The following ZNF521 variants were observed in gnomAD, a reference collection of about 807,000 sequenced individuals.
The protein encoded by ZNF521 is LYST-interacting protein 3.
In ZNF521, 14 loss-of-function variants were observed where a neutral mutation model predicts 105.5. That is an observed-to-expected ratio of 0.13 (90% CI 0.09 to 0.21). The LOEUF (loss-of-function observed/expected upper bound fraction) is 0.21, where lower values mean the gene tolerates loss of function less well. Ranked by LOEUF, ZNF521 falls within the 10% of genes least tolerant of loss-of-function variation. ZNF521 has a pLI of 1.00. For missense variants in ZNF521, 1,233 were observed against 1,629.7 expected, an observed-to-expected ratio of 0.76 and a Z score of 4.19; for synonymous variants, 635 against 606.0, an observed-to-expected ratio of 1.05 and a Z score of -0.70.
chr18:25,235,128 C>T (rs540288802), intron 3 of ZNF521, among the ~76,000 whole-genome samples: 3 of 152,182 alleles, frequency 2.0e-5, no homozygotes, highest in Non-Finnish European at 4.4e-5. Flanking sequence ...AAAGTCCACA[C>T]AACGAAAGGG....
intron 7 of ZNF521, among the ~76,000 whole-genome samples, chr18:25,086,917 G>T (rs1399943485): frequency 2.6e-5 from 4 of 152,154 alleles, no homozygotes; most frequent in Non-Finnish European, 4.4e-5. Context: ...AGGGACTTCT[G>T]TGGTCTCCTA....
chr18:25,167,079 A>G (rs1425526181), intron 5 of ZNF521, among the ~76,000 whole-genome samples: 1 of 152,318 alleles, frequency 6.6e-6, no homozygotes, highest in Admixed American at 6.5e-5. Context: ...GTGAGGTTTA[A>G]TTGTTCTCTT....
At chr18:25,324,498 A>G (rs1375033193) in intron 2 of ZNF521, among the ~76,000 whole-genome samples, 1 of 152,202 alleles carries the variant, frequency 6.6e-6, no homozygotes, top group Middle Eastern at 3.2e-3. Flanking sequence ...AAAATAAATA[A>G]CAGTCCCAAC....
intron 3 of ZNF521, among the ~76,000 whole-genome samples, chr18:25,262,429 T>G (rs1360620051): frequency 6.6e-6 from 1 of 152,236 alleles, no homozygotes; most frequent in Non-Finnish European, 1.5e-5. Context: ...ACATTAGTTT[T>G]TGAAGTTGAC....
At chr18:25,322,217 G>C in intron 2 of ZNF521, 30 bp from the exon 3 acceptor site, 1 of 1,604,504 alleles carries the variant, frequency 6.2e-7, no homozygotes, top group Non-Finnish European at 8.5e-7. Context: ...TAAGTATGGG[G>C]TTTAAAGACA....
intron 3 of ZNF521, among the ~76,000 whole-genome samples, chr18:25,286,278 G>C (rs1345559900): frequency 6.6e-6 from 1 of 152,202 alleles, no homozygotes; most frequent in Non-Finnish European, 1.5e-5. Flanking sequence ...AGAAGAGCTT[G>C]AGTGGTGCTT....
intron 5 of ZNF521, among the ~76,000 whole-genome samples, chr18:25,185,552 C>A (rs2035706810): frequency 6.6e-6 from 1 of 152,042 alleles, no homozygotes; most frequent in South Asian, 2.1e-4. Flanking sequence ...TAGTTGTCAT[C>A]CCTGTGCAAC....
chr18:25,335,962 T>C (rs1333903849), intron 2 of ZNF521, among the ~76,000 whole-genome samples: 1 of 151,982 alleles, frequency 6.6e-6, no homozygotes, highest in Non-Finnish European at 1.5e-5. Flanking sequence ...AGACTTGAGA[T>C]TGAACAAGCA....
chr18:25,298,346 A>G (rs1233681074), intron 3 of ZNF521, among the ~76,000 whole-genome samples: 1 of 152,236 alleles, frequency 6.6e-6, no homozygotes, highest in Non-Finnish European at 1.5e-5. Context: ...TCAGATATAT[A>G]CTACCTGTAT....
chr18:25,155,813 A>C (rs998640538), intron 5 of ZNF521, among the ~76,000 whole-genome samples: 1 of 152,220 alleles, frequency 6.6e-6, no homozygotes, highest in Non-Finnish European at 1.5e-5. Context: ...AAAAGGAGGC[A>C]ATCCTGCCAT....
At position 25,138,630 on chromosome 18, in the gene ZNF521, T is replaced by C. The variant is rs147807996; in HGVS notation, c.3659-46549A>G. On this transcript the variant is annotated intron_variant, in intron 5 of 7. Coordinates refer to ENST00000361524, the MANE Select transcript of ZNF521 (RefSeq NM_015461.3). ...CATCTCAAAGCTAATGAACAGAAAA[T>C]GTATGATCAAAAAATAATAGTTGCA... Among the ~76,000 whole-genome samples, 7 of 152,176 alleles carry C rather than the reference T, an allele frequency of 4.6e-5. No homozygotes were observed. The East Asian group carries it at 1.4e-3, about 29-fold the overall frequency.
chr18:25,256,090 G>A lies in ZNF521; in HGVS notation c.221-28393C>T, dbSNP rs1568038300. ...ATATTATTTATCATTAAAGAAGAAG[G>A]GAATATTGTCACATGATGCAACACA... On this transcript the variant is annotated intron_variant, in intron 3 of 7. Transcript: ENST00000361524. 2.0e-5 allele frequency among the ~76,000 whole-genome samples: 3 copies of A among 150,014 alleles called. No individual in the cohort carries two copies. In the South Asian group the frequency reaches 6.3e-4, roughly 31 times the overall value.
chr18:25,219,280 C>T (rs1453849608), intron 4 of ZNF521, among the ~76,000 whole-genome samples: 1 of 152,094 alleles, frequency 6.6e-6, no homozygotes, highest in Non-Finnish European at 1.5e-5. Flanking sequence ...GTTCAAGAGT[C>T]AACTGTACAT....
At chr18:25,300,476 G>C (rs1911575009) in intron 3 of ZNF521, among the ~76,000 whole-genome samples, 2 of 152,110 alleles carry the variant, frequency 1.3e-5, no homozygotes, top group Admixed American at 6.5e-5. Flanking sequence ...ATCTAATAGT[G>C]TATAAACAAG....
chr18:25,174,151 A>G (rs942958084), intron 5 of ZNF521, among the ~76,000 whole-genome samples: 1 of 152,200 alleles, frequency 6.6e-6, no homozygotes, highest in Non-Finnish European at 1.5e-5. Flanking sequence ...TTATATGTAT[A>G]CCTTTCTAGA....
intron 5 of ZNF521, among the ~76,000 whole-genome samples, chr18:25,117,545 G>T (rs892284540): frequency 6.6e-6 from 1 of 152,024 alleles, no homozygotes; most frequent in Non-Finnish European, 1.5e-5. Flanking sequence ...TATTCTTCAT[G>T]AATGAAAACA....
intron 3 of ZNF521, among the ~76,000 whole-genome samples, chr18:25,265,122 A>C (rs1218112592): frequency 3.9e-5 from 6 of 152,206 alleles, no homozygotes; most frequent in Non-Finnish European, 7.3e-5. Flanking sequence ...TACATTTTTA[A>C]AAATATTAAA....
chr18:25,195,376 T>G, intron 4 of ZNF521, 132 bp from the exon 5 acceptor site: 2 of 629,938 alleles, frequency 3.2e-6, no homozygotes, highest in Non-Finnish European at 5.2e-6. Context: ...CAGGGCCCCT[T>G]GGCCCAAGTT....
At chr18:25,300,802 T>G (rs574910392) in intron 3 of ZNF521, among the ~76,000 whole-genome samples, 2 of 152,346 alleles carry the variant, frequency 1.3e-5, no homozygotes, top group East Asian at 3.9e-4. Flanking sequence ...AAATCTTTTC[T>G]GCTCCTCCCT....
Sources: gnomAD v4.1 joint callset for allele counts (sites outside exome capture counted in the v4.1 genomes callset) on GRCh38, gnomAD v4.1.1 for gene constraint, MANE v1.5 for transcripts, NCBI Gene and HGNC (gene_info 2026-07-23, HGNC 2026-07-21) for gene names.